STX18: variants seen among roughly 807,000 people sequenced by gnomAD.
STX18 encodes syntaxin-18.
STX18 carries 40 observed loss-of-function variants against 50.1 expected under a neutral mutation model. That is an observed-to-expected ratio of 0.80 (90% CI 0.62 to 1.04). STX18 has a LOEUF of 1.04. Among genes scored for constraint, STX18 ranks in the 50% least tolerant of loss-of-function variants. The pLI, the probability that STX18 is intolerant of heterozygous loss-of-function variation, is 0.00. For synonymous variants in STX18, 158 were observed against 151.8 expected (o/e 1.04, Z -0.30); for missense variants, 410 against 415.8 (o/e 0.99, Z 0.12).
Position 4,423,744 on chromosome 4 carries a change from C to G in STX18, c.762-157G>C, listed in dbSNP as rs1386135790. 5.7e-6 allele frequency: 4 copies of G among 698,264 alleles called. No individual in the cohort carries two copies. In the East Asian group the frequency reaches 8.1e-5, roughly 14 times the overall value. 43.3% of individuals were successfully genotyped at this position (698,264 alleles called of 1,614,324 possible). ...GGGAAGAGGAGATGGGAGAGGAAGG[C>G]GAACTCTCCTTACTGGGTCACCTTC... On this transcript the variant is annotated intron_variant, in intron 8 of 10. Coordinates refer to ENST00000306200, the MANE Select transcript of STX18 (RefSeq NM_016930.4).
intron 1 of STX18, among the ~76,000 whole-genome samples, chr4:4,523,344 C>G (rs1730602995): frequency 1.3e-5 from 2 of 152,154 alleles, no homozygotes. Flanking sequence ...TGAAATTCCC[C>G]TTGGGTGATC....
At chr4:4,528,583 A>T (rs962814056) in intron 1 of STX18, among the ~76,000 whole-genome samples, 1 of 152,236 alleles carries the variant, frequency 6.6e-6, no homozygotes, top group African/African-American at 2.4e-5. Flanking sequence ...TCTTTTCGTT[A>T]TAAATTACCC....
intron 1 of STX18, among the ~76,000 whole-genome samples, chr4:4,523,210 T>C (rs1264126337): frequency 6.6e-6 from 1 of 152,162 alleles, no homozygotes; most frequent in Non-Finnish European, 1.5e-5. Context: ...ACAAGCTTAT[T>C]ACTTGGAGGG....
At chr4:4,483,599 C>A (rs1728559315) in intron 1 of STX18, among the ~76,000 whole-genome samples, 2 of 152,184 alleles carry the variant, frequency 1.3e-5, no homozygotes, top group South Asian at 4.1e-4. Context: ...CCTGACCTTA[C>A]TATTTGCCTA....
chr4:4,464,852 C>T (rs894020204), intron 2 of STX18, among the ~76,000 whole-genome samples: 1 of 150,760 alleles, frequency 6.6e-6, no homozygotes, highest in Non-Finnish European at 1.5e-5. Flanking sequence ...TTGCAAAAAC[C>T]TGGATTTTTC....
chr4:4,439,296 A>G (rs1725971944), intron 5 of STX18, among the ~76,000 whole-genome samples: 1 of 150,076 alleles, frequency 6.7e-6, no homozygotes, highest in African/African-American at 2.5e-5. Context: ...ATATATACAC[A>G]CACATACCCA....
At chr4:4,529,121 T>A (rs1730956035) in intron 1 of STX18, among the ~76,000 whole-genome samples, 2 of 152,282 alleles carry the variant, frequency 1.3e-5, no homozygotes, top group African/African-American at 4.8e-5. Context: ...CCCAGCACTT[T>A]CGGAGGCTGA....
chr4:4,423,823 A>G (rs577234655), intron 8 of STX18: 1 of 547,204 alleles, frequency 1.8e-6, no homozygotes, highest in Non-Finnish European at 3.3e-6. Flanking sequence ...CCACTCTACC[A>G]TGCCAACTGA....
At chr4:4,469,443 T>C (rs1039010378) in intron 2 of STX18, among the ~76,000 whole-genome samples, 2 of 152,026 alleles carry the variant, frequency 1.3e-5, no homozygotes, top group African/African-American at 4.8e-5. Context: ...GCCTGTTGGC[T>C]TAAGGAGCAA....
chr4:4,542,160 C>T (rs368617827), upstream of STX18: 6 of 658,310 alleles, frequency 9.1e-6, no homozygotes, highest in Non-Finnish European at 1.4e-5. Flanking sequence ...GCCGGCGCAC[C>T]TGGCGGAGGA....
chr4:4,477,268 A>G (rs1353271141), intron 1 of STX18, among the ~76,000 whole-genome samples: 1 of 152,086 alleles, frequency 6.6e-6, no homozygotes, highest in African/African-American at 2.4e-5. Context: ...AAACAAAACA[A>G]ACTCATGTAG....
At chr4:4,518,341 T>C (rs916617903) in intron 1 of STX18, among the ~76,000 whole-genome samples, 1 of 152,234 alleles carries the variant, frequency 6.6e-6, no homozygotes. Context: ...TGAGAGCTCA[T>C]GCACAAAGCC....
rs114546138 is a variant in STX18 at position 4,530,763 on chromosome 4, G to A, written c.168+11034C>T. On this transcript the variant is annotated intron_variant, in intron 1 of 10. Transcript: ENST00000306200. Reference sequence around the variant, plus strand: ...TGAGATTACAGGTGTGTGCCAAAGCGGCAGGCTAATTTTTGTATTTTTTTA... The same window carrying A: ...TGAGATTACAGGTGTGTGCCAAAGCAGCAGGCTAATTTTTGTATTTTTTTA... Among the ~76,000 whole-genome samples, 669 of 152,030 alleles carry A rather than the reference G, an allele frequency of 4.4e-3. 1 individual carries two copies. Among genetic ancestry groups the A allele is most frequent in the Non-Finnish European group, 7.5e-3 (511 of 67,984 alleles).
intron 7 of STX18, among the ~76,000 whole-genome samples, chr4:4,432,564 A>C (rs966257764): frequency 2.0e-5 from 3 of 151,522 alleles, no homozygotes; most frequent in Admixed American, 6.6e-5. Flanking sequence ...GGGCCAGCTC[A>C]CTCAAACTTT....
intron 7 of STX18, among the ~76,000 whole-genome samples, chr4:4,431,482 G>C (rs758905913): frequency 2.0e-5 from 3 of 152,102 alleles, no homozygotes; most frequent in Non-Finnish European, 4.4e-5. Flanking sequence ...CTCCAGTGGA[G>C]TGTACCCCAG....
At position 4,532,218 on chromosome 4, in the gene STX18, A is replaced by G. The variant is rs185517889; in HGVS notation, c.168+9579T>C. 2.9e-3 allele frequency among the ~76,000 whole-genome samples: 448 copies of G among 152,352 alleles called. 3 individuals carry two copies. The highest frequency in any genetic ancestry group is 0.01 in the African/African-American group (427 of 41,590). On this transcript the variant is annotated intron_variant, in intron 1 of 10. Transcript: ENST00000306200. Reference sequence around the variant, plus strand: ...TTTATTTAACAGAAAAAATGTTTGGAAAGTTAAACACCAGAATTTTAACTA... The same window carrying G: ...TTTATTTAACAGAAAAAATGTTTGGGAAGTTAAACACCAGAATTTTAACTA...
chr4:4,497,716 A>G (rs1173168811), intron 1 of STX18, among the ~76,000 whole-genome samples: 1 of 152,168 alleles, frequency 6.6e-6, no homozygotes, highest in East Asian at 1.9e-4. Context: ...GAATCTTTAC[A>G]CCTAATTACT....
intron 1 of STX18, among the ~76,000 whole-genome samples, chr4:4,491,979 C>A (rs1728962509): frequency 6.6e-6 from 1 of 152,028 alleles, no homozygotes; most frequent in South Asian, 2.1e-4. Flanking sequence ...AAAATGAGGT[C>A]TATTTCCTGT....
At chr4:4,533,334 G>C (rs1029388349) in intron 1 of STX18, among the ~76,000 whole-genome samples, 3 of 152,134 alleles carry the variant, frequency 2.0e-5, no homozygotes, top group African/African-American at 7.2e-5. Context: ...AGTCCATGTG[G>C]ATTTCCATGT....
Sources: gnomAD v4.1 joint callset for allele counts (sites outside exome capture counted in the v4.1 genomes callset) on GRCh38, gnomAD v4.1.1 for gene constraint, MANE v1.5 for transcripts, NCBI Gene and HGNC (gene_info 2026-07-23, HGNC 2026-07-21) for gene names.